GPR176: variants seen among roughly 807,000 people sequenced by gnomAD.
GPR176 encodes the protein G protein-coupled receptor 176.
GPR176 carries 26 observed loss-of-function variants against 35.4 expected under a neutral mutation model. That is an observed-to-expected ratio of 0.74 (90% CI 0.54 to 1.02). The LOEUF (loss-of-function observed/expected upper bound fraction) is 1.02, where lower values mean the gene tolerates loss of function less well. GPR176 is among the 50% of genes least tolerant of loss of function. GPR176 has a pLI of 0.00. For missense variants in GPR176, 597 were observed against 665.3 expected (o/e 0.90, Z 1.13); for synonymous variants, 278 against 271.3 (o/e 1.02, Z -0.24).
At chr15:39,898,438 T>C (rs1429569568) in intron 1 of GPR176, among the ~76,000 whole-genome samples, 6 of 152,104 alleles carry the variant, frequency 3.9e-5, no homozygotes, top group Non-Finnish European at 5.9e-5. Context: ...ATAATACATA[T>C]AAGCAAAGAA....
At chr15:39,853,258 T>C (rs1328654687) in intron 1 of GPR176, among the ~76,000 whole-genome samples, 2 of 152,162 alleles carry the variant, frequency 1.3e-5, no homozygotes, top group African/African-American at 4.8e-5. Context: ...TTCTGACATA[T>C]ATTAAAACAT....
intron 1 of GPR176, among the ~76,000 whole-genome samples, chr15:39,847,081 G>A (rs1439278264): frequency 6.6e-6 from 1 of 152,086 alleles, no homozygotes; most frequent in African/African-American, 2.4e-5. Context: ...AGCAGACTGT[G>A]ATAAGTTATA....
chr15:39,858,627 C>G (rs559762446), intron 1 of GPR176, among the ~76,000 whole-genome samples: 2 of 152,256 alleles, frequency 1.3e-5, no homozygotes, highest in Admixed American at 1.3e-4. Flanking sequence ...GAGGGAGGAT[C>G]ACTGGGGCCC....
Position 39,882,370 on chromosome 15 carries a change from A to G in GPR176, c.172+37485T>C, listed in dbSNP as rs183463482. ...TAGCATGTATTTTGCCTTATAGTTA[A>G]GTGAAATCAATGATATGCAGAGTAT... is the stretch of plus-strand genomic sequence containing the variant. On this transcript the variant is annotated intron_variant, in intron 1 of 2. Transcript: ENST00000561100. Among the ~76,000 whole-genome samples, 270 of 152,360 alleles carry G rather than the reference A, an allele frequency of 1.8e-3. 1 individual carries two copies. Among genetic ancestry groups the G allele is most frequent in the Non-Finnish European group, 1.1e-3 (77 of 68,032 alleles).
At position 39,880,146 on chromosome 15, in the gene GPR176, C is replaced by G. The variant is rs1028445667; in HGVS notation, c.172+39709G>C. ...CAGTGGCTTCAAAGGGAGAAATTCA[C>G]TCTCTCACCTTCCACTCACTTCCAA... is the stretch of plus-strand genomic sequence containing the variant. On this transcript the variant is annotated intron_variant, in intron 1 of 2. Coordinates refer to ENST00000561100, the MANE Select transcript of GPR176 (RefSeq NM_007223.3). Among the ~76,000 whole-genome samples the G allele has an allele frequency of 3.3e-5, 5 of 152,206 alleles. No homozygotes were observed. The East Asian group carries it at 7.7e-4, about 23-fold the overall frequency.
At chr15:39,885,799 C>T (rs1475486230) in intron 1 of GPR176, among the ~76,000 whole-genome samples, 3 of 152,174 alleles carry the variant, frequency 2.0e-5, no homozygotes, top group Non-Finnish European at 4.4e-5. Context: ...TGCACTGTAC[C>T]TATCTCAAAA....
At position 39,901,179 on chromosome 15, in the gene GPR176, C is replaced by A. The variant is rs142026204; in HGVS notation, c.172+18676G>T. The stretch of plus-strand genomic sequence containing the variant: ...AAATTCAATGATCTTTATATTAATA[C>A]CCAACACTACCTTTATATTAATAAC... On this transcript the variant is annotated intron_variant, in intron 1 of 2. Transcript: ENST00000561100. 2.7e-3 allele frequency among the ~76,000 whole-genome samples: 398 copies of A among 149,760 alleles called. 5 individuals are homozygous for A. The highest frequency in any genetic ancestry group is 0.023 in the East Asian group (116 of 5,080).
At chr15:39,893,286 T>C (rs982592181) in intron 1 of GPR176, among the ~76,000 whole-genome samples, 1 of 151,910 alleles carries the variant, frequency 6.6e-6, no homozygotes, top group Non-Finnish European at 1.5e-5. Flanking sequence ...GTACTTGAGA[T>C]TAGGGAGTGG....
intron 1 of GPR176, among the ~76,000 whole-genome samples, chr15:39,813,929 C>G (rs1196921146): frequency 6.6e-6 from 1 of 152,110 alleles, no homozygotes; most frequent in Admixed American, 6.5e-5. Flanking sequence ...GGTTAAACAG[C>G]TTGCACATTT....
At chr15:39,859,486 A>G (rs1396367931) in intron 1 of GPR176, among the ~76,000 whole-genome samples, 4 of 93,676 alleles carry the variant, frequency 4.3e-5, no homozygotes, top group African/African-American at 1.7e-4. Context: ...TAGGATGGCC[A>G]CTGTGAAAAA....
chr15:39,919,578 C>G (rs560644205), intron 1 of GPR176, among the ~76,000 whole-genome samples: 1 of 152,200 alleles, frequency 6.6e-6, no homozygotes, highest in Non-Finnish European at 1.5e-5. Context: ...GAGCATTCCG[C>G]CGGGGCCATC....
At chr15:39,837,260 CTT>C (rs1280645888) in intron 1 of GPR176, among the ~76,000 whole-genome samples, 1 of 152,108 alleles carries the variant, frequency 6.6e-6, no homozygotes, top group Non-Finnish European at 1.5e-5. Context: ...ATCTCAATTC[CTT>C]TGCACAGTAC....
chr15:39,884,566 G>C (rs768300433), intron 1 of GPR176, among the ~76,000 whole-genome samples: 6 of 152,134 alleles, frequency 3.9e-5, no homozygotes, highest in Non-Finnish European at 4.4e-5. Context: ...TTATGGCAAG[G>C]ACCTAGACTT....
intron 1 of GPR176, among the ~76,000 whole-genome samples, chr15:39,846,178 C>A (rs2030415323): frequency 6.6e-6 from 1 of 152,174 alleles, no homozygotes; most frequent in African/African-American, 2.4e-5. Flanking sequence ...TTATATACAA[C>A]AAACATGAGA....
At chr15:39,901,034 A>G (rs894710937) in intron 1 of GPR176, among the ~76,000 whole-genome samples, 5 of 152,198 alleles carry the variant, frequency 3.3e-5, no homozygotes, top group Non-Finnish European at 7.3e-5. Context: ...CTTTATATTA[A>G]TAACAAGATG....
At chr15:39,904,761 G>A (rs1200203561) in intron 1 of GPR176, among the ~76,000 whole-genome samples, 2 of 152,194 alleles carry the variant, frequency 1.3e-5, no homozygotes, top group South Asian at 4.1e-4. Flanking sequence ...CATGTGTCCT[G>A]TATAATGGGT....
chr15:39,892,954 T>C (rs1328757684), intron 1 of GPR176, among the ~76,000 whole-genome samples: 1 of 152,248 alleles, frequency 6.6e-6, no homozygotes, highest in Admixed American at 6.5e-5. Context: ...AAAAATAAGA[T>C]ATAAAGTTTC....
chr15:39,826,053 G>A (rs1418759408), intron 1 of GPR176, among the ~76,000 whole-genome samples: 1 of 152,164 alleles, frequency 6.6e-6, no homozygotes, highest in African/African-American at 2.4e-5. Flanking sequence ...CGTTATGGGG[G>A]AAGAACCCCT....
chr15:39,811,865 G>A (rs1191525406), intron 1 of GPR176, among the ~76,000 whole-genome samples: 4 of 151,064 alleles, frequency 2.6e-5, no homozygotes, highest in Non-Finnish European at 4.4e-5. Context: ...GCAGTGAGCC[G>A]AGATTGCGCC....
Sources: allele counts gnomAD v4.1 joint callset (sites outside exome capture counted in the v4.1 genomes callset), GRCh38; gene constraint gnomAD v4.1.1; transcripts MANE v1.5; gene names NCBI Gene and HGNC (gene_info 2026-07-23, HGNC 2026-07-21).